Variants in EML1 observed in about 807,000 individuals in gnomAD.
The protein encoded by EML1 is EMAP like 1, also known as echinoderm microtubule-associated protein-like 1.
Under a neutral mutation model 110.4 loss-of-function variants are expected in EML1, and 27 were observed. The ratio of observed to expected loss-of-function variants is 0.24; its 90% CI spans 0.18 to 0.34. The LOEUF (loss-of-function observed/expected upper bound fraction) is 0.34. Among genes scored for constraint, EML1 ranks in the 10% least tolerant of loss-of-function variants. The pLI is 1.00. For missense variants in EML1, 741 were observed against 1,030.9 expected, an observed-to-expected ratio of 0.72 and a Z score of 3.85; for synonymous variants, 344 against 385.8, an observed-to-expected ratio of 0.89 and a Z score of 1.27.
At chr14:99,840,850 C>T (rs778172551) in intron 1 of EML1, among the ~76,000 whole-genome samples, 3 of 152,124 alleles carry the variant, frequency 2.0e-5, no homozygotes, top group South Asian at 2.1e-4. Flanking sequence ...ATCATGTTAC[C>T]GGAAACCCTT....
At chr14:99,818,998 C>T (rs193034854) in intron 1 of EML1, among the ~76,000 whole-genome samples, 49 of 152,292 alleles carry the variant, frequency 3.2e-4, no homozygotes, top group Non-Finnish European at 5.1e-4. Flanking sequence ...CTGTCACCCA[C>T]GCTTCAGTAT....
At chr14:99,922,546 G>A (rs189716729) in intron 17 of EML1, among the ~76,000 whole-genome samples, 72 of 152,224 alleles carry the variant, frequency 4.7e-4, no homozygotes, top group African/African-American at 1.7e-3. Context: ...GGATTGTATG[G>A]TAAACTTATG....
upstream of EML1, among the ~76,000 whole-genome samples, chr14:99,788,912 A>G (rs2057629366): frequency 6.6e-6 from 1 of 152,142 alleles, no homozygotes; most frequent in African/African-American, 2.4e-5. Flanking sequence ...GGAGTCATAG[A>G]CTATTTGCGC....
intron 3 of EML1, among the ~76,000 whole-genome samples, chr14:99,866,379 T>C (rs1463969399): frequency 1.3e-5 from 2 of 152,120 alleles, no homozygotes; most frequent in African/African-American, 4.8e-5. Flanking sequence ...GAGACCAGCC[T>C]GACCAACAGG....
rs570978060 is a variant in EML1, at chr14:99,910,552, T to G, written c.1339+211T>G. Reference sequence around the variant, plus strand: ...CGGAGAATAGTAAGAGTTACTGACCTTACAGCATTCTGAAAGGCTCTTTAA... The same window carrying G: ...CGGAGAATAGTAAGAGTTACTGACCGTACAGCATTCTGAAAGGCTCTTTAA... On this transcript the variant is annotated intron_variant, in intron 12 of 21. Transcript: ENST00000262233. Among the ~76,000 whole-genome samples, 4 of 152,328 alleles carry G rather than the reference T, an allele frequency of 2.6e-5. No individual in the cohort carries two copies. The South Asian group carries it at 8.3e-4, about 32-fold the overall frequency.
At chr14:99,934,743 G>A (rs900526905) in intron 17 of EML1, among the ~76,000 whole-genome samples, 1 of 152,188 alleles carries the variant, frequency 6.6e-6, no homozygotes, top group African/African-American at 2.4e-5. Flanking sequence ...CTTTTTGCTT[G>A]CTGGCTCAGG....
intron 4 of EML1, among the ~76,000 whole-genome samples, chr14:99,880,803 T>C (rs1239943470): frequency 6.6e-6 from 1 of 152,188 alleles, no homozygotes; most frequent in African/African-American, 2.4e-5. Context: ...ATTTTATACC[T>C]AATGCCCTTG....
At chr14:99,843,917 A>G (rs1360204447) in intron 1 of EML1, among the ~76,000 whole-genome samples, 1 of 152,212 alleles carries the variant, frequency 6.6e-6, no homozygotes, top group Non-Finnish European at 1.5e-5. Flanking sequence ...CAGAGGGAAG[A>G]CAGATATAAA....
chr14:99,868,257 G>A (rs866072015), intron 3 of EML1, among the ~76,000 whole-genome samples: 24 of 151,996 alleles, frequency 1.6e-4, no homozygotes, highest in South Asian at 1.0e-3. Flanking sequence ...CATTCATCAG[G>A]GATATTGGTC....
Position 99,874,384 on chromosome 14 carries a change from T to G in EML1, c.384-4101T>G, listed in dbSNP as rs540182615. Among the ~76,000 whole-genome samples the G allele has an allele frequency of 3.9e-5, 6 of 152,332 alleles. No homozygotes were observed. The East Asian group carries it at 1.2e-3, about 29-fold the overall frequency. On this transcript the variant is annotated intron_variant, in intron 3 of 21. Coordinates refer to ENST00000262233, the MANE Select transcript of EML1 (RefSeq NM_004434.3). Reference sequence around the variant, plus strand: ...TACAAAAAATACTTGCCTTAAGCACTAAAAAATATACTGCATTATTGCACA... The same window carrying G: ...TACAAAAAATACTTGCCTTAAGCACGAAAAAATATACTGCATTATTGCACA...
chr14:99,898,168 T>G, intron 7 of EML1, 65 bp from the exon 8 acceptor site: 1 of 1,387,298 alleles, frequency 7.2e-7, no homozygotes, highest in East Asian at 2.5e-5. Flanking sequence ...TAGATTATAT[T>G]TGAGCAAGGG....
rs551530858 is a variant in EML1, at chr14:99,928,850, T to A, written c.1910-7179T>A. Among the ~76,000 whole-genome samples, 309 of 152,332 alleles carry A rather than the reference T, an allele frequency of 2.0e-3. 3 individuals carry two copies. The highest frequency in any genetic ancestry group is 3.7e-3 in the Non-Finnish European group (249 of 68,024). On this transcript the variant is annotated intron_variant, in intron 17 of 21. Coordinates refer to ENST00000262233, the MANE Select transcript of EML1 (RefSeq NM_004434.3). Reference sequence around the variant, plus strand: ...CAACTGCTCAGCCCCCTTGGCAGCCTTTTGTCCATGTTGAGAAGGAGCTTG... The same window carrying A: ...CAACTGCTCAGCCCCCTTGGCAGCCATTTGTCCATGTTGAGAAGGAGCTTG...
intron 1 of EML1, among the ~76,000 whole-genome samples, chr14:99,845,773 G>A (rs2139815776): frequency 6.6e-6 from 1 of 152,004 alleles, no homozygotes; most frequent in Non-Finnish European, 1.5e-5. Context: ...GAGCCTGGCT[G>A]GGCGCTGAGG....
At chr14:99,764,101 G>A (rs1445407083) in intron 1 of EML1, among the ~76,000 whole-genome samples, 1 of 152,128 alleles carries the variant, frequency 6.6e-6, no homozygotes, top group African/African-American at 2.4e-5. Context: ...GGAGATGCCC[G>A]CTAGTCTCAG....
At position 99,911,513 on chromosome 14, in the gene EML1, A is replaced by C; in HGVS notation, c.1431A>C (p.Gly477=). Residue 477 remains glycine, a synonymous_variant, in exon 13 of 22, where the codon GGA becomes GGC. Coordinates refer to ENST00000262233, the MANE Select transcript of EML1 (RefSeq NM_004434.3). The part of the protein sequence containing the change: ...CMLRDGTLVS[G]GGKDRKLISW... ...TAAGAGATGGCACACTGGTGTCGGG[A>C]GGTGGGAAAGACCGAAAGCTCATTT... 1 of 1,612,758 alleles carries C rather than the reference A, an allele frequency of 6.2e-7. No homozygotes were observed. The highest frequency in any genetic ancestry group is 8.5e-7 in the Non-Finnish European group (1 of 1,179,760).
chr14:99,799,613 G>C lies in EML1; in HGVS notation c.67+6070G>C, dbSNP rs113016899. Among the ~76,000 whole-genome samples, 463 of 152,302 alleles carry C rather than the reference G, an allele frequency of 3.0e-3. 2 individuals carry two copies. Among genetic ancestry groups the C allele is most frequent in the African/African-American group, 0.011 (450 of 41,550 alleles). On this transcript the variant is annotated intron_variant, in intron 1 of 21. Transcript: ENST00000262233. ...TTAGTATACTTGGTGCTCCAGCCAG[G>C]AAGGAACTTATAGCCAAACCACAAC...
intron 1 of EML1, among the ~76,000 whole-genome samples, chr14:99,801,403 C>T (rs1033583733): frequency 1.3e-5 from 2 of 152,136 alleles, no homozygotes; most frequent in Non-Finnish European, 2.9e-5. Context: ...ATCATGAGGT[C>T]AGGAGATCGA....
At chr14:99,863,659 G>T (rs543785050) in intron 2 of EML1, among the ~76,000 whole-genome samples, 1 of 152,316 alleles carries the variant, frequency 6.6e-6, no homozygotes, top group East Asian at 1.9e-4. Context: ...TTCAGATGTG[G>T]TTTGCTTCAT....
At chr14:99,830,939 T>C (rs1363177652) in intron 1 of EML1, among the ~76,000 whole-genome samples, 1 of 152,164 alleles carries the variant, frequency 6.6e-6, no homozygotes, top group Non-Finnish European at 1.5e-5. Flanking sequence ...AGATGTCCCT[T>C]TTCTCTCTTT....
Sources: allele counts gnomAD v4.1 joint callset (sites outside exome capture counted in the v4.1 genomes callset), GRCh38; gene constraint gnomAD v4.1.1; transcripts MANE v1.5; gene names NCBI Gene and HGNC (gene_info 2026-07-23, HGNC 2026-07-21).